SCML4: variants seen among roughly 807,000 people sequenced by gnomAD.
The protein encoded by SCML4 is Scm polycomb group protein like 4.
Under a neutral mutation model 41.1 loss-of-function variants are expected in SCML4, and 34 were observed. The ratio of observed to expected loss-of-function variants is 0.83; its 90% confidence interval spans 0.63 to 1.10. The LOEUF (loss-of-function observed/expected upper bound fraction) is 1.10. Among genes scored for constraint, SCML4 ranks in the 50% least tolerant of loss-of-function variants. The probability of loss-of-function intolerance (pLI) is 0.00; values close to 1 mark genes in which losing one functional copy is unlikely to be tolerated. For missense variants in SCML4, 522 were observed against 534.1 expected, an observed-to-expected ratio of 0.98 and a Z score of 0.22; for synonymous variants, 214 against 220.9, an observed-to-expected ratio of 0.97 and a Z score of 0.28.
intron 2 of SCML4, among the ~76,000 whole-genome samples, chr6:107,760,499 C>T (rs1518523): frequency 0.73 from 110,991 of 152,062 alleles, 42,000 homozygotes; most frequent in East Asian, 0.9. Context: ...TACCAGAAGC[C>T]GGACCTCACA....
chr6:107,789,575 A>G (rs1483787959), intron 1 of SCML4, among the ~76,000 whole-genome samples: 3 of 152,240 alleles, frequency 2.0e-5, no homozygotes, highest in Non-Finnish European at 4.4e-5. Context: ...TCACACAGGA[A>G]GAAACAGCCA....
intron 1 of SCML4, among the ~76,000 whole-genome samples, chr6:107,805,409 T>C (rs1027055733): frequency 2.0e-5 from 3 of 152,238 alleles, no homozygotes; most frequent in Admixed American, 2.0e-4. Context: ...TCTTTTTTAG[T>C]GGCATGCTTA....
chr6:107,718,757 G>GGA (rs1305507571), intron 6 of SCML4: 1 of 152,256 alleles, frequency 6.6e-6, no homozygotes, highest in African/African-American at 2.4e-5. Flanking sequence ...AACGTGAGTG[G>GGA]GAGAGAGAGT....
chr6:107,729,567 C>T (rs1044626723), intron 5 of SCML4, among the ~76,000 whole-genome samples: 8 of 152,186 alleles, frequency 5.3e-5, no homozygotes, highest in Non-Finnish European at 7.3e-5. Flanking sequence ...ATTCAGCCTA[C>T]GACAACCAGT....
chr6:107,832,062 C>CAA, the SCML4 span, among the ~76,000 whole-genome samples: 923 of 133,826 alleles, frequency 6.9e-3, 16 homozygotes, highest in African/African-American at 0.022. Context: ...GACTCTGTCT[C>CAA]AAAAAAAAAA....
intron 6 of SCML4, among the ~76,000 whole-genome samples, chr6:107,716,063 G>A (rs933610645): frequency 6.6e-6 from 1 of 152,278 alleles, no homozygotes; most frequent in Non-Finnish European, 1.5e-5. Flanking sequence ...GGGTGAGGAC[G>A]CTGGCGGTTT....
the SCML4 span, among the ~76,000 whole-genome samples, chr6:107,830,938 G>A: frequency 6.6e-6 from 1 of 152,094 alleles, no homozygotes; most frequent in Non-Finnish European, 1.5e-5. Context: ...AGTTAGATAG[G>A]AGAAACAAAC....
At chr6:107,803,453 C>A (rs1783440500) in intron 1 of SCML4, among the ~76,000 whole-genome samples, 1 of 149,730 alleles carries the variant, frequency 6.7e-6, no homozygotes, top group African/African-American at 2.5e-5. Flanking sequence ...GCCCGGCCAG[C>A]CGCCCGGTCC....
chr6:107,771,398 G>A (rs563256594), intron 2 of SCML4, among the ~76,000 whole-genome samples: 11 of 150,046 alleles, frequency 7.3e-5, no homozygotes, highest in East Asian at 1.9e-4. Flanking sequence ...TCTAATGCCC[G>A]AAAGGTTTGT....
chr6:107,746,686 T>C lies in SCML4; in HGVS notation c.487+3A>G. 1.2e-6 allele frequency: 2 copies of C among 1,613,436 alleles called. No homozygotes were observed. On this transcript the variant is annotated splice_donor_region_variant and intron_variant, in intron 4 of 7. Coordinates refer to ENST00000369020, the MANE Select transcript of SCML4 (RefSeq NM_198081.5). ...TCCTCATGCAACCTGCCCCAGGCCT[T>C]ACCTGACACCATCTCACCACCATAG...
chr6:107,745,313 C>G, intron 4 of SCML4, 170 bp from the exon 5 acceptor site: 2 of 576,492 alleles, frequency 3.5e-6, no homozygotes, highest in South Asian at 4.4e-5. Context: ...GGGATCCCAC[C>G]CAGGACACCA....
chr6:107,787,709 A>G (rs931764924), intron 1 of SCML4, among the ~76,000 whole-genome samples: 1 of 152,238 alleles, frequency 6.6e-6, no homozygotes, highest in Non-Finnish European at 1.5e-5. Flanking sequence ...ACAAGATTCA[A>G]ATAACACAAA....
At chr6:107,822,781 A>G (rs1785044890) in intron 1 of SCML4, among the ~76,000 whole-genome samples, 1 of 152,010 alleles carries the variant, frequency 6.6e-6, no homozygotes, top group South Asian at 2.1e-4. Flanking sequence ...TTTCCCTAAA[A>G]CTGAAGATTC....
At chr6:107,831,409 C>A in the SCML4 span, among the ~76,000 whole-genome samples, 1 of 38,570 alleles carries the variant, frequency 2.6e-5, no homozygotes, top group African/African-American at 1.1e-4. Context: ...AATTTTCATT[C>A]TCAAAAAAAA....
intron 1 of SCML4, among the ~76,000 whole-genome samples, chr6:107,785,959 A>G (rs965134145): frequency 2.6e-5 from 4 of 151,644 alleles, no homozygotes; most frequent in African/African-American, 9.8e-5. Flanking sequence ...TAGTACTCCA[A>G]GGGGGCCTTG....
intron 1 of SCML4, among the ~76,000 whole-genome samples, chr6:107,774,248 C>T (rs1248749813): frequency 6.6e-6 from 1 of 152,082 alleles, no homozygotes; most frequent in Non-Finnish European, 1.5e-5. Flanking sequence ...CATATATTAA[C>T]ATCTCTGAAA....
chr6:107,842,623 A>G, the SCML4 span, among the ~76,000 whole-genome samples: 1 of 152,140 alleles, frequency 6.6e-6, no homozygotes, highest in Non-Finnish European at 1.5e-5. Context: ...CAAACTCCTG[A>G]TCTCAAGTGA....
the SCML4 span, among the ~76,000 whole-genome samples, chr6:107,836,195 C>T: frequency 1.3e-5 from 2 of 152,058 alleles, no homozygotes; most frequent in African/African-American, 4.8e-5. Flanking sequence ...AAAACAAATT[C>T]ATACATCCTG....
chr6:107,845,996 C>T, the SCML4 span, among the ~76,000 whole-genome samples: 2 of 152,274 alleles, frequency 1.3e-5, no homozygotes, highest in South Asian at 2.1e-4. Flanking sequence ...GAGAGAAGGG[C>T]GCTCCCTGAG....
Sources: gnomAD v4.1 joint callset for allele counts (sites outside exome capture counted in the v4.1 genomes callset) on GRCh38, gnomAD v4.1.1 for gene constraint, MANE v1.5 for transcripts, NCBI Gene and HGNC (gene_info 2026-07-23, HGNC 2026-07-21) for gene names.